LARGE1: variants seen among roughly 807,000 people sequenced by gnomAD.
LARGE1 encodes xylosyl- and glucuronyltransferase LARGE1.
LARGE1 carries 43 observed loss-of-function variants against 87.6 expected under a neutral mutation model. That is an observed-to-expected ratio of 0.49 (90% CI 0.38 to 0.63). The LOEUF (loss-of-function observed/expected upper bound fraction) is 0.63, where lower values mean the gene tolerates loss of function less well. Among genes scored for constraint, LARGE1 ranks in the 30% least tolerant of loss-of-function variants. The pLI is 0.00. For synonymous variants in LARGE1, 434 were observed against 394.6 expected, an observed-to-expected ratio of 1.10 and a Z score of -1.18; for missense variants, 802 against 1,000.2, an observed-to-expected ratio of 0.80 and a Z score of 2.67.
chr22:33,257,652 C>T (rs933559421), intron 11 of LARGE1, among the ~76,000 whole-genome samples: 1 of 152,110 alleles, frequency 6.6e-6, no homozygotes, highest in East Asian at 1.9e-4. Flanking sequence ...CTTTAGAAAT[C>T]ATCTCAACCA....
chr22:33,582,475 A>C (rs1449370679), intron 5 of LARGE1, among the ~76,000 whole-genome samples: 1 of 152,206 alleles, frequency 6.6e-6, no homozygotes, highest in Non-Finnish European at 1.5e-5. Context: ...TTTAACCACT[A>C]CATATAAGAG....
At chr22:33,841,554 G>C (rs1055612301) in intron 1 of LARGE1, among the ~76,000 whole-genome samples, 1 of 152,166 alleles carries the variant, frequency 6.6e-6, no homozygotes, top group Non-Finnish European at 1.5e-5. Flanking sequence ...AGGCCAGTGG[G>C]AAAGAACACA....
chr22:33,477,404 T>C (rs1280676264), intron 6 of LARGE1, among the ~76,000 whole-genome samples: 5 of 152,226 alleles, frequency 3.3e-5, no homozygotes, highest in Admixed American at 3.3e-4. Context: ...AAAGTCCCTC[T>C]TTGTTTAGAA....
At chr22:33,572,695 C>G (rs1311862561) in intron 5 of LARGE1, among the ~76,000 whole-genome samples, 1 of 151,778 alleles carries the variant, frequency 6.6e-6, no homozygotes, top group African/African-American at 2.4e-5. Context: ...CATGGTACAA[C>G]CCCATCTCTA....
intron 6 of LARGE1, among the ~76,000 whole-genome samples, chr22:33,452,031 G>A (rs1416334659): frequency 2.0e-5 from 3 of 152,096 alleles, no homozygotes; most frequent in Admixed American, 6.5e-5. Context: ...ACCCGAATCT[G>A]CTCATCTGTT....
At position 33,363,083 on chromosome 22, in the gene LARGE1, G is replaced by A. The variant is rs1000266370; in HGVS notation, c.1131+18836C>T. ...TCATCTGACCCAGCATGGGGCTCCC[G>A]CTTTTCCCACAGGGGGCTGCTCAGG... On this transcript the variant is annotated intron_variant, in intron 9 of 14. Transcript: ENST00000397394. Among the ~76,000 whole-genome samples, 14 of 150,014 alleles carry A rather than the reference G, an allele frequency of 9.3e-5. 2 individuals carry two copies. The highest frequency in any genetic ancestry group is 1.8e-4 in the Non-Finnish European group (12 of 67,180).
intron 7 of LARGE1, among the ~76,000 whole-genome samples, chr22:33,389,884 AACCAAC>A (rs1569120097): frequency 7.2e-4 from 108 of 151,024 alleles, no homozygotes; most frequent in South Asian, 1.9e-3. Context: ...CCAACCAACC[AACCAAC>A]CAAACAAAAA....
At chr22:33,141,169 A>C in the LARGE1 span, among the ~76,000 whole-genome samples, 2 of 143,874 alleles carry the variant, frequency 1.4e-5, no homozygotes, top group African/African-American at 5.2e-5. Flanking sequence ...TATTCTCAGA[A>C]TCTCTCTCTC....
the LARGE1 span, among the ~76,000 whole-genome samples, chr22:33,068,452 TG>T: frequency 1.3e-5 from 2 of 152,192 alleles, no homozygotes; most frequent in Non-Finnish European, 2.9e-5. Context: ...GAGACCATCC[TG>T]GCTAACACGG....
intron 5 of LARGE1, among the ~76,000 whole-genome samples, chr22:33,579,209 T>C (rs1219519687): frequency 6.6e-6 from 1 of 152,168 alleles, no homozygotes; most frequent in Non-Finnish European, 1.5e-5. Flanking sequence ...CGTGCTGTTC[T>C]TGTGACAGTG....
the LARGE1 span, among the ~76,000 whole-genome samples, chr22:33,112,522 G>A: frequency 1.4e-4 from 21 of 152,306 alleles, no homozygotes; most frequent in East Asian, 3.9e-4. Flanking sequence ...GGGCGCATTC[G>A]GGGCATGCTG....
chr22:33,437,990 T>G (rs537970404), intron 6 of LARGE1, among the ~76,000 whole-genome samples: 79 of 152,134 alleles, frequency 5.2e-4, no homozygotes, highest in African/African-American at 1.6e-3. Flanking sequence ...CTTCCAGCAC[T>G]GCAGCCAGGC....
chr22:33,825,785 G>A (rs2062764602), intron 1 of LARGE1, among the ~76,000 whole-genome samples: 1 of 152,150 alleles, frequency 6.6e-6, no homozygotes, highest in African/African-American at 2.4e-5. Context: ...GCCCACTGTG[G>A]CTTTTTCCCA....
chr22:33,616,211 G>A (rs151059209), intron 4 of LARGE1, among the ~76,000 whole-genome samples: 105 of 152,174 alleles, frequency 6.9e-4, no homozygotes, highest in Non-Finnish European at 1.3e-3. Context: ...GTTCATAATA[G>A]TCAAGAAGTG....
At chr22:33,818,693 T>C (rs1428982998) in intron 1 of LARGE1, among the ~76,000 whole-genome samples, 2 of 152,330 alleles carry the variant, frequency 1.3e-5, no homozygotes, top group African/African-American at 4.8e-5. Context: ...CCAGAAGAAA[T>C]GATACACAGC....
intron 1 of LARGE1, among the ~76,000 whole-genome samples, chr22:33,874,889 T>G (rs953983947): frequency 1.1e-4 from 17 of 152,216 alleles, no homozygotes; most frequent in African/African-American, 3.9e-4. Context: ...TTACATGGAT[T>G]AATAATTCAC....
intron 7 of LARGE1, among the ~76,000 whole-genome samples, chr22:33,423,197 G>A (rs1250751306): frequency 1.3e-5 from 2 of 152,058 alleles, no homozygotes; most frequent in African/African-American, 2.4e-5. Flanking sequence ...TTCAGCACTC[G>A]TAGGCGTCAC....
In LARGE1 at chr22:33,760,259, C is replaced by T. The variant is rs187825673; in HGVS notation, c.106+1112G>A. The stretch of plus-strand genomic sequence containing the variant: ...CCTCTCTCTCTGAAGCCTAGAAAAC[C>T]ATCTTCACAGGCAAAACATTGCACT... On this transcript the variant is annotated intron_variant, in intron 2 of 14. Coordinates refer to ENST00000397394, the MANE Select transcript of LARGE1 (RefSeq NM_133642.5). 4.7e-4 allele frequency among the ~76,000 whole-genome samples: 72 copies of T among 152,258 alleles called. 1 individual carries two copies. The highest frequency in any genetic ancestry group is 1.7e-3 in the South Asian group (8 of 4,822).
In LARGE1 at chr22:33,357,616, G is replaced by A. The variant is rs954310587; in HGVS notation, c.1132-19815C>T. Among the ~76,000 whole-genome samples, 7 of 151,942 alleles carry A rather than the reference G, an allele frequency of 4.6e-5. No homozygotes were observed. The South Asian group carries it at 6.2e-4, about 14-fold the overall frequency. On this transcript the variant is annotated intron_variant, in intron 9 of 14. Coordinates refer to ENST00000397394, the MANE Select transcript of LARGE1 (RefSeq NM_133642.5). Reference sequence around the variant, plus strand: ...TTGAGACCAGCCTGACCAACATGGAGAAACCCCATCTCTACCAAAAATACA... The same window carrying A: ...TTGAGACCAGCCTGACCAACATGGAAAAACCCCATCTCTACCAAAAATACA...
Sources: gnomAD v4.1 joint callset for allele counts (sites outside exome capture counted in the v4.1 genomes callset) on GRCh38, gnomAD v4.1.1 for gene constraint, MANE v1.5 for transcripts, NCBI Gene and HGNC (gene_info 2026-07-23, HGNC 2026-07-21) for gene names.